The following SHISA9 variants were observed in gnomAD, a reference collection of about 807,000 sequenced individuals.
SHISA9 encodes protein shisa-9.
A neutral mutation model predicts 38.0 loss-of-function variants in SHISA9; 13 were observed. That is an observed-to-expected ratio of 0.34 (90% CI 0.22 to 0.54). SHISA9 has a LOEUF of 0.54. Ranked by LOEUF, SHISA9 falls within the 20% of genes least tolerant of loss-of-function variation. The pLI, the probability that SHISA9 is intolerant of heterozygous loss-of-function variation, is 0.91. For missense variants in SHISA9, 538 were observed against 575.8 expected, an observed-to-expected ratio of 0.93 and a Z score of 0.67; for synonymous variants, 275 against 242.0, an observed-to-expected ratio of 1.14 and a Z score of -1.27.
At chr16:13,364,073 C>G in the SHISA9 span, among the ~76,000 whole-genome samples, 2 of 152,160 alleles carry the variant, frequency 1.3e-5, no homozygotes, top group African/African-American at 2.4e-5. Flanking sequence ...GAAAACAAAA[C>G]CAAAAAAGCC....
intron 2 of SHISA9, among the ~76,000 whole-genome samples, chr16:12,957,653 G>C (rs185346857): frequency 6.6e-6 from 1 of 152,104 alleles, no homozygotes; most frequent in Non-Finnish European, 1.5e-5. Context: ...TATGAATTTG[G>C]GGGGAGGTAC....
intron 1 of SHISA9, among the ~76,000 whole-genome samples, chr16:12,913,873 C>T (rs940634985): frequency 6.6e-6 from 1 of 152,010 alleles, no homozygotes; most frequent in Admixed American, 6.6e-5. Context: ...GAGAATATTC[C>T]ATTTCCTGTA....
At chr16:12,947,131 A>G (rs1256493445) in intron 2 of SHISA9, among the ~76,000 whole-genome samples, 3 of 152,170 alleles carry the variant, frequency 2.0e-5, no homozygotes, top group East Asian at 1.9e-4. Context: ...TTACTCTGGG[A>G]TGTGGGGAAA....
At chr16:13,467,184 A>G in the SHISA9 span, among the ~76,000 whole-genome samples, 1 of 151,930 alleles carries the variant, frequency 6.6e-6, no homozygotes, top group Non-Finnish European at 1.5e-5. Flanking sequence ...GTCAGAAGAG[A>G]CTGACCTGTG....
At chr16:13,447,005 G>A in the SHISA9 span, among the ~76,000 whole-genome samples, 2 of 150,512 alleles carry the variant, frequency 1.3e-5, no homozygotes, top group African/African-American at 2.4e-5. Context: ...AAAAGTGAAA[G>A]GGACAGGGTA....
intron 2 of SHISA9, among the ~76,000 whole-genome samples, chr16:13,001,378 C>G: frequency 6.6e-6 from 1 of 152,236 alleles, no homozygotes; most frequent in South Asian, 2.1e-4. Flanking sequence ...GACTAAGGAT[C>G]GGGGGGCCTT....
the SHISA9 span, among the ~76,000 whole-genome samples, chr16:13,373,098 C>T: frequency 1.3e-5 from 2 of 152,052 alleles, no homozygotes; most frequent in African/African-American, 4.8e-5. Flanking sequence ...GGTTAACCCA[C>T]CTTTCTACAC....
At chr16:13,489,390 G>C in the SHISA9 span, among the ~76,000 whole-genome samples, 1 of 152,084 alleles carries the variant, frequency 6.6e-6, no homozygotes, top group African/African-American at 2.4e-5. Flanking sequence ...GTTGTTAAGC[G>C]ATGTATGACT....
chr16:13,171,972 T>A (rs192089026), intron 2 of SHISA9, among the ~76,000 whole-genome samples: 1 of 152,158 alleles, frequency 6.6e-6, no homozygotes, highest in East Asian at 1.9e-4. Context: ...ATAACCCAAA[T>A]GAAAATGCTT....
chr16:13,177,068 C>T (rs907150469), intron 2 of SHISA9, among the ~76,000 whole-genome samples: 1 of 152,164 alleles, frequency 6.6e-6, no homozygotes, highest in African/African-American at 2.4e-5. Context: ...ATTTTCTCAG[C>T]TCAGCCCACC....
the SHISA9 span, among the ~76,000 whole-genome samples, chr16:13,273,194 C>T: frequency 6.6e-6 from 1 of 151,874 alleles, no homozygotes; most frequent in Admixed American, 6.6e-5. Context: ...ATTCCCCTTA[C>T]ACCAATGCAA....
the SHISA9 span, among the ~76,000 whole-genome samples, chr16:13,519,824 C>A: frequency 6.6e-6 from 1 of 152,146 alleles, no homozygotes; most frequent in African/African-American, 2.4e-5. Flanking sequence ...ATCATGAGAA[C>A]AGTATGAAGG....
chr16:13,217,113 T>C (rs1408183033), intron 4 of SHISA9, among the ~76,000 whole-genome samples: 1 of 110,668 alleles, frequency 9.0e-6, no homozygotes, highest in Non-Finnish European at 1.9e-5. Flanking sequence ...CTACTAAAAA[T>C]ACAAAAAAAA....
At chr16:13,452,509 A>T in the SHISA9 span, among the ~76,000 whole-genome samples, 1 of 152,196 alleles carries the variant, frequency 6.6e-6, no homozygotes, top group African/African-American at 2.4e-5. Flanking sequence ...AGAGCTAAAC[A>T]AAGGTGGGTA....
intron 2 of SHISA9, among the ~76,000 whole-genome samples, chr16:12,971,569 G>A (rs1260242126): frequency 2.0e-5 from 3 of 152,140 alleles, no homozygotes; most frequent in African/African-American, 7.2e-5. Context: ...CTGTGCTCTG[G>A]GGATGCTGTT....
chr16:13,062,964 C>T (rs374061173), intron 2 of SHISA9, among the ~76,000 whole-genome samples: 14 of 142,632 alleles, frequency 9.8e-5, no homozygotes, highest in East Asian at 8.2e-4. Context: ...TGCTTTCGGA[C>T]GCATCCCTCA....
At chr16:13,065,618 T>G (rs1299174539) in intron 2 of SHISA9, among the ~76,000 whole-genome samples, 1 of 152,260 alleles carries the variant, frequency 6.6e-6, no homozygotes, top group African/African-American at 2.4e-5. Flanking sequence ...TTTTACTAAT[T>G]AAAAGTTTCT....
At chr16:13,557,842 C>T in the SHISA9 span, among the ~76,000 whole-genome samples, 1 of 152,130 alleles carries the variant, frequency 6.6e-6, no homozygotes, top group African/African-American at 2.4e-5. Flanking sequence ...CTGGCTCACT[C>T]CTCTCCAGCC....
Position 13,000,494 on chromosome 16 carries a change from T to A in SHISA9, c.691+83679T>A, listed in dbSNP as rs562146329. 1.9e-3 allele frequency among the ~76,000 whole-genome samples: 297 copies of A among 152,308 alleles called. 1 individual carries two copies. The highest frequency in any genetic ancestry group is 6.9e-3 in the African/African-American group (286 of 41,568). Reference sequence around the variant, plus strand: ...CGAACCAAACTCTTCTATCTTCATGTCAGTTGGTCACTGGCTCTGGGCTAC... The same window carrying A: ...CGAACCAAACTCTTCTATCTTCATGACAGTTGGTCACTGGCTCTGGGCTAC... On this transcript the variant is annotated intron_variant, in intron 2 of 4. Coordinates refer to ENST00000558583, the MANE Select transcript of SHISA9 (RefSeq NM_001145204.3).
Sources: allele counts gnomAD v4.1 joint callset (sites outside exome capture counted in the v4.1 genomes callset), GRCh38; gene constraint gnomAD v4.1.1; transcripts MANE v1.5; gene names NCBI Gene and HGNC (gene_info 2026-07-23, HGNC 2026-07-21).